Variants in MECOM observed in about 807,000 individuals in gnomAD.
MECOM encodes the protein histone-lysine N-methyltransferase MECOM.
MECOM carries 13 observed loss-of-function variants against 116.3 expected under a neutral mutation model. That is an observed-to-expected ratio of 0.11 (90% CI 0.07 to 0.18). The LOEUF (loss-of-function observed/expected upper bound fraction) is 0.18, where lower values mean the gene tolerates loss of function less well. MECOM is among the 10% of genes least tolerant of loss of function. The pLI is 1.00. For synonymous variants in MECOM, 528 were observed against 535.2 expected (o/e 0.99, Z 0.19); for missense variants, 1,299 against 1,509.0 (o/e 0.86, Z 2.31).
chr3:169,642,464 A>G (rs1773620371), intron 1 of MECOM, among the ~76,000 whole-genome samples: 1 of 150,886 alleles, frequency 6.6e-6, no homozygotes, highest in African/African-American at 2.4e-5. Context: ...AAAAAAAAAG[A>G]AAAGAAAACT....
chr3:169,564,222 GACATCT>G (rs1168851881), intron 1 of MECOM, among the ~76,000 whole-genome samples: 1 of 152,046 alleles, frequency 6.6e-6, no homozygotes, highest in Non-Finnish European at 1.5e-5. Context: ...AAACATACAA[GACATCT>G]ACTTGTATTC....
At chr3:169,157,724 A>G (rs1222194590) in intron 2 of MECOM, among the ~76,000 whole-genome samples, 1 of 152,224 alleles carries the variant, frequency 6.6e-6, no homozygotes, top group Non-Finnish European at 1.5e-5. Context: ...CAAGAAGCAG[A>G]TTCTCAAAGG....
At chr3:169,559,046 G>GCACACACA (rs113971910) in intron 1 of MECOM, among the ~76,000 whole-genome samples, 20 of 148,498 alleles carry the variant, frequency 1.3e-4, no homozygotes, top group African/African-American at 3.0e-4. Context: ...ACACACACGC[G>GCACACACA]CACACACACA....
chr3:169,442,580 T>A (rs1207980962), intron 1 of MECOM, among the ~76,000 whole-genome samples: 1 of 152,180 alleles, frequency 6.6e-6, no homozygotes, highest in Non-Finnish European at 1.5e-5. Context: ...AGATGTTTCA[T>A]GTCAAAGAAT....
At chr3:169,589,488 G>T (rs1176106547) in intron 1 of MECOM, among the ~76,000 whole-genome samples, 1 of 152,084 alleles carries the variant, frequency 6.6e-6, no homozygotes, top group African/African-American at 2.4e-5. Flanking sequence ...GCAGGTCCTA[G>T]GAAGTCCATG....
chr3:169,439,332 T>C (rs939479099), intron 1 of MECOM, among the ~76,000 whole-genome samples: 2 of 147,662 alleles, frequency 1.4e-5, no homozygotes, highest in Non-Finnish European at 3.0e-5. Context: ...AGAATATTAA[T>C]ATTATTAATA....
intron 2 of MECOM, among the ~76,000 whole-genome samples, chr3:169,240,148 AT>A (rs1754604983): frequency 6.6e-6 from 1 of 152,192 alleles, no homozygotes. Context: ...AATACCATCT[AT>A]CTCCCCCAAA....
At chr3:169,403,622 T>G (rs545338924) in intron 1 of MECOM, among the ~76,000 whole-genome samples, 1 of 152,214 alleles carries the variant, frequency 6.6e-6, no homozygotes, top group Non-Finnish European at 1.5e-5. Context: ...TATGGACTTA[T>G]TTGCACCATC....
rs571930556 is a variant in MECOM at position 169,656,340 on chromosome 3, A to G, written c.37+6996T>C. Among the ~76,000 whole-genome samples, 6 of 152,322 alleles carry G rather than the reference A, an allele frequency of 3.9e-5. No homozygotes were observed. The South Asian group carries it at 6.2e-4, about 16-fold the overall frequency. ...TTTTCTAAATAAATTTCTCCTTTAG[A>G]ATTGTTATAAAAGTCAGTAGTCAAG... On this transcript the variant is annotated intron_variant, in intron 1 of 16. Transcript: ENST00000651503.
intron 1 of MECOM, among the ~76,000 whole-genome samples, chr3:169,410,710 C>A (rs1218024906): frequency 6.6e-6 from 1 of 152,146 alleles, no homozygotes; most frequent in African/African-American, 2.4e-5. Context: ...CTAGACTCAA[C>A]CAGTCGTGCC....
chr3:169,433,690 A>AAAGAAAGAAAGG (rs35878346), intron 1 of MECOM, among the ~76,000 whole-genome samples: 1 of 90,404 alleles, frequency 1.1e-5, no homozygotes, highest in Non-Finnish European at 2.4e-5. Context: ...AGAAAGAAAG[A>AAAGAAAGAAAGG]GAAAGAAAGA....
At chr3:169,488,699 A>G (rs766036577) in intron 1 of MECOM, among the ~76,000 whole-genome samples, 13 of 152,116 alleles carry the variant, frequency 8.5e-5, no homozygotes, top group Non-Finnish European at 1.8e-4. Flanking sequence ...AGAAATTTTA[A>G]AGAATATTAA....
intron 1 of MECOM, among the ~76,000 whole-genome samples, chr3:169,400,089 G>T (rs568553309): frequency 7.1e-4 from 108 of 152,224 alleles, no homozygotes; most frequent in Admixed American, 2.5e-3. Flanking sequence ...TTTTAATGAT[G>T]CTTACTTTAT....
At chr3:169,372,070 A>C (rs1730231417) in intron 2 of MECOM, among the ~76,000 whole-genome samples, 1 of 152,118 alleles carries the variant, frequency 6.6e-6, no homozygotes, top group Admixed American at 6.6e-5. Flanking sequence ...TTCTGACTCC[A>C]GTGTAATCTG....
intron 13 of MECOM, among the ~76,000 whole-genome samples, chr3:169,094,019 A>G (rs147888317): frequency 2.5e-3 from 381 of 152,310 alleles, no homozygotes; most frequent in African/African-American, 7.5e-3. Flanking sequence ...GTTGTATGCT[A>G]TAAGGGTACA....
chr3:169,203,840 A>G (rs73031272), intron 2 of MECOM, among the ~76,000 whole-genome samples: 127 of 152,294 alleles, frequency 8.3e-4, no homozygotes, highest in African/African-American at 2.7e-3. Flanking sequence ...AAATGAATAC[A>G]TTTCTCAGCT....
chr3:169,561,123 C>T (rs548576296), intron 1 of MECOM, among the ~76,000 whole-genome samples: 3 of 151,596 alleles, frequency 2.0e-5, no homozygotes, highest in African/African-American at 7.2e-5. Context: ...AAATATAATT[C>T]CATGTCATAA....
intron 1 of MECOM, among the ~76,000 whole-genome samples, chr3:169,645,279 A>G (rs1451738667): frequency 6.8e-6 from 1 of 146,232 alleles, no homozygotes; most frequent in Non-Finnish European, 1.5e-5. Context: ...GCTTTTTAAC[A>G]TTTCTGAGTA....
intron 2 of MECOM, among the ~76,000 whole-genome samples, chr3:169,192,859 T>C (rs1432146498): frequency 6.6e-6 from 1 of 152,022 alleles, no homozygotes; most frequent in African/African-American, 2.4e-5. Context: ...ACACAAAACA[T>C]AGAAGTGATA....
Sources: gnomAD v4.1 joint callset for allele counts (sites outside exome capture counted in the v4.1 genomes callset) on GRCh38, gnomAD v4.1.1 for gene constraint, MANE v1.5 for transcripts, NCBI Gene and HGNC (gene_info 2026-07-23, HGNC 2026-07-21) for gene names.